Variants in PCDHA7 observed in about 807,000 individuals in gnomAD.
PCDHA7 encodes protocadherin alpha 7.
In PCDHA7, 37 loss-of-function variants were observed where a neutral mutation model predicts 57.2. The observed-to-expected ratio is 0.65, with a 90% CI of 0.50 to 0.85. PCDHA7 has a LOEUF of 0.85. Ranked by LOEUF, PCDHA7 falls within the 40% of genes least tolerant of loss-of-function variation. PCDHA7 has a pLI of 0.00. For missense variants in PCDHA7, 1,188 were observed against 1,241.8 expected (o/e 0.96, Z 0.65); for synonymous variants, 553 against 558.8 (o/e 0.99, Z 0.15).
chr5:140,868,930 G>T, intron 1 of PCDHA7: 8 of 1,085,624 alleles, frequency 7.4e-6, no homozygotes, highest in Non-Finnish European at 1.0e-5. Context: ...TTCATTTAAA[G>T]GTTGGTCTGA....
chr5:140,858,158 G>T lies in PCDHA7; in HGVS notation c.2355+21420G>T, dbSNP rs781899082. The T allele has an allele frequency of 5.6e-6, 9 of 1,597,732 alleles. 3 individuals carry two copies. Among genetic ancestry groups the T allele is most frequent in the Non-Finnish European group, 7.7e-6 (9 of 1,167,532 alleles). ...CGTGTACCTGATCATCGCCATCTGC[G>T]CGGTGTCCAGCTTGCTGGTGCTCAC... On this transcript the variant is annotated intron_variant, in intron 1 of 3. Coordinates refer to ENST00000525929, the MANE Select transcript of PCDHA7 (RefSeq NM_018910.3).
At chr5:140,840,375 A>G (rs1776670697) in intron 1 of PCDHA7, among the ~76,000 whole-genome samples, 1 of 151,962 alleles carries the variant, frequency 6.6e-6, no homozygotes, top group Non-Finnish European at 1.5e-5. Context: ...AGAAAATGAA[A>G]ATAGGGGGTT....
rs147351924 is a variant in PCDHA7, at chr5:141,009,782, C to T, written c.2659C>T (p.Arg887Trp). 27 of 1,613,956 alleles carry T rather than the reference C, an allele frequency of 1.7e-5. No homozygotes were observed. The highest frequency in any genetic ancestry group is 9.9e-5 in the South Asian group (9 of 91,070). ...AGGATCTCCTGCAATCATCTCCATCCGGCAGGAGCCTACTAACAGCCAAAT... is the reference window on the plus strand; with the variant it reads ...AGGATCTCCTGCAATCATCTCCATCTGGCAGGAGCCTACTAACAGCCAAAT... ...IPGSPAIISI[R>W]QEPTNSQIDK... is the part of the protein sequence containing the mutation. The change falls in exon 4 of 4, where the codon CGG becomes TGG. Residue 887 changes from arginine (R) to tryptophan (W), a missense_variant. Coordinates refer to ENST00000525929, the MANE Select transcript of PCDHA7 (RefSeq NM_018910.3).
At chr5:140,861,646 T>C in intron 1 of PCDHA7, 1 of 291,698 alleles carries the variant, frequency 3.4e-6, no homozygotes, top group Non-Finnish European at 6.9e-6. Context: ...CAAAAGAATC[T>C]GTTTCTGAAA....
At chr5:140,987,050 C>G (rs781947211) in intron 3 of PCDHA7, among the ~76,000 whole-genome samples, 34 of 151,840 alleles carry the variant, frequency 2.2e-4, no homozygotes, top group Non-Finnish European at 2.5e-4. Context: ...CCCATCTCTA[C>G]TAAAGTTACA....
chr5:140,987,513 A>C (rs1324114239), intron 3 of PCDHA7, among the ~76,000 whole-genome samples: 3 of 152,168 alleles, frequency 2.0e-5, no homozygotes, highest in Non-Finnish European at 4.4e-5. Flanking sequence ...TCTGCCACTC[A>C]GTAATTGTAT....
chr5:140,882,391 C>T, intron 1 of PCDHA7: 2 of 1,614,214 alleles, frequency 1.2e-6, no homozygotes, highest in Non-Finnish European at 8.5e-7. Context: ...AAGCAAAACA[C>T]GGCACCTTCG....
Position 140,853,522 on chromosome 5 carries a change from C to T in PCDHA7, c.2355+16784C>T, listed in dbSNP as rs1217727658. Reference sequence around the variant, plus strand: ...TCATGAAACAATAATGAAGCTCCTCCTATGTCTCTTTTCAAGTTGTAATTA... The same window carrying T: ...TCATGAAACAATAATGAAGCTCCTCTTATGTCTCTTTTCAAGTTGTAATTA... On this transcript the variant is annotated intron_variant, in intron 1 of 3. Coordinates refer to ENST00000525929, the MANE Select transcript of PCDHA7 (RefSeq NM_018910.3). 4.1e-6 allele frequency: 4 copies of T among 977,898 alleles called. No homozygotes were observed. In the African/African-American group the frequency reaches 5.3e-5, roughly 13 times the overall value. The allele number at this position is 977,898 out of a possible 1,614,324, so 60.6% of individuals were successfully genotyped here.
intron 1 of PCDHA7, among the ~76,000 whole-genome samples, chr5:140,844,305 T>C (rs1779315965): frequency 1.3e-5 from 2 of 149,704 alleles, no homozygotes; most frequent in Non-Finnish European, 3.0e-5. Context: ...ATAGTTTTCA[T>C]ATTCTTCCTA....
chr5:140,953,100 A>G (rs1343351624), intron 1 of PCDHA7, among the ~76,000 whole-genome samples: 1 of 152,162 alleles, frequency 6.6e-6, no homozygotes, highest in Admixed American at 6.5e-5. Flanking sequence ...TTGACATGAG[A>G]TTTGGGCAGG....
At chr5:140,844,093 C>A (rs2150368688) in intron 1 of PCDHA7, among the ~76,000 whole-genome samples, 1 of 149,604 alleles carries the variant, frequency 6.7e-6, no homozygotes, top group African/African-American at 2.4e-5. Context: ...AACTCTTAAT[C>A]TTACTCCATA....
chr5:140,941,251 C>CT (rs1177440606), intron 1 of PCDHA7, among the ~76,000 whole-genome samples: 1 of 121,786 alleles, frequency 8.2e-6, no homozygotes, highest in Non-Finnish European at 1.8e-5. Context: ...TTCTTTCTTT[C>CT]TTTCTCTTTC....
chr5:140,905,427 A>G lies in PCDHA7; in HGVS notation c.2355+68689A>G, dbSNP rs185931856. 5.3e-5 allele frequency among the ~76,000 whole-genome samples: 8 copies of G among 152,298 alleles called. No homozygotes were observed. The East Asian group carries it at 1.5e-3, about 29-fold the overall frequency. ...TTTATACCAGTACCATGCTGGTTTG[A>G]TAACTACAGCCTTTTAGTATAATTT... On this transcript the variant is annotated intron_variant, in intron 1 of 3. Transcript: ENST00000525929.
chr5:140,964,472 T>A (rs1160731930), intron 1 of PCDHA7, among the ~76,000 whole-genome samples: 1 of 152,074 alleles, frequency 6.6e-6, no homozygotes, highest in Non-Finnish European at 1.5e-5. Context: ...GTGCCTATGA[T>A]TTTTTCACAG....
chr5:140,871,098 G>T (rs2052704304), intron 1 of PCDHA7: 4 of 1,613,192 alleles, frequency 2.5e-6, no homozygotes, highest in Non-Finnish European at 3.4e-6. Context: ...CCACCGTGCT[G>T]GTGTCGTTGG....
intron 1 of PCDHA7, among the ~76,000 whole-genome samples, chr5:140,963,916 T>A (rs186370400): frequency 2.0e-5 from 3 of 152,356 alleles, no homozygotes; most frequent in East Asian, 3.9e-4. Flanking sequence ...AAGCTTAGGC[T>A]AAGTAACATG....
chr5:140,996,524 C>A (rs1303736536), intron 3 of PCDHA7, among the ~76,000 whole-genome samples: 3 of 152,048 alleles, frequency 2.0e-5, no homozygotes, highest in African/African-American at 7.2e-5. Flanking sequence ...TTAGAAAGGC[C>A]CTGTGTGTTT....
At chr5:140,968,494 C>T in intron 1 of PCDHA7, 1 of 1,614,096 alleles carries the variant, frequency 6.2e-7, no homozygotes, top group Non-Finnish European at 8.5e-7. Flanking sequence ...ATGACCATGC[C>T]CCTCACATTC....
chr5:140,900,276 A>G (rs1228583402), intron 1 of PCDHA7, among the ~76,000 whole-genome samples: 1 of 151,558 alleles, frequency 6.6e-6, no homozygotes, highest in Non-Finnish European at 1.5e-5. Context: ...TATATGTACC[A>G]CACTTTCTTT....
Sources: allele counts gnomAD v4.1 joint callset (sites outside exome capture counted in the v4.1 genomes callset), GRCh38; gene constraint gnomAD v4.1.1; transcripts MANE v1.5; gene names NCBI Gene and HGNC (gene_info 2026-07-23, HGNC 2026-07-21).